PCDHGB1: variants seen among roughly 807,000 people sequenced by gnomAD.
The protein encoded by PCDHGB1 is protocadherin gamma-B1.
In PCDHGB1, 34 loss-of-function variants were observed where a neutral mutation model predicts 56.6. The ratio of observed to expected loss-of-function variants is 0.60; its 90% CI spans 0.46 to 0.80. PCDHGB1 has a LOEUF of 0.80. PCDHGB1 is among the 30% of genes least tolerant of loss of function. The pLI is 0.00. For synonymous variants in PCDHGB1, 561 were observed against 505.9 expected (o/e 1.11, Z -1.46); for missense variants, 1,278 against 1,204.6 (o/e 1.06, Z -0.90).
At position 141,414,031 on chromosome 5, in the gene PCDHGB1, C is replaced by G. The variant is rs900884760; in HGVS notation, c.2409+61362C>G. The G allele has an allele frequency of 1.2e-6, 2 of 1,611,740 alleles. No homozygotes were observed. The highest frequency in any genetic ancestry group is 2.7e-5 in the African/African-American group (2 of 74,762). On this transcript the variant is annotated intron_variant, in intron 1 of 3. Coordinates refer to ENST00000523390, the MANE Select transcript of PCDHGB1 (RefSeq NM_018922.3). ...CAATGGAGAAGTGACATATTCATTC[C>G]GAAAATTACCTGACACGCAATTGTT... is the stretch of plus-strand genomic sequence containing the variant.
At chr5:141,469,142 G>A (rs1473440049) in intron 1 of PCDHGB1, among the ~76,000 whole-genome samples, 3 of 152,024 alleles carry the variant, frequency 2.0e-5, no homozygotes, top group East Asian at 1.9e-4. Flanking sequence ...CAGAAATGGT[G>A]GCACATGTCT....
chr5:141,383,820 A>T, intron 1 of PCDHGB1: 1 of 1,613,924 alleles, frequency 6.2e-7, no homozygotes, highest in East Asian at 2.2e-5. Context: ...TAGAAGGATT[A>T]GATTATGAAG....
chr5:141,415,740 G>GTTTTTTTTTT lies in PCDHGB1; in HGVS notation c.2409+63094_2409+63103dup, dbSNP rs57426385. 90 of 625,044 alleles carry GTTTTTTTTTT rather than the reference G, an allele frequency of 1.4e-4. 1 individual carries two copies. The highest frequency in any genetic ancestry group is 4.1e-4 in the East Asian group (6 of 14,742). The allele number at this position is 625,044 out of a possible 1,614,324, so 38.7% of individuals were successfully genotyped here. On this transcript the variant is annotated intron_variant, in intron 1 of 3. Coordinates refer to ENST00000523390, the MANE Select transcript of PCDHGB1 (RefSeq NM_018922.3). ...TGAGTAGAATTTGATGTTTATTAAG[G>GTTTTTTTTTT]TTTTTTTTTTTTTTTTTTTTTTTTT...
At chr5:141,372,841 T>C (rs887025706) in intron 1 of PCDHGB1, 1 of 1,514,832 alleles carries the variant, frequency 6.6e-7, no homozygotes. Flanking sequence ...CTTCCATAAA[T>C]ATAATTGGGT....
chr5:141,368,767 T>G (rs1195016367), intron 1 of PCDHGB1, among the ~76,000 whole-genome samples: 1 of 152,172 alleles, frequency 6.6e-6, no homozygotes, highest in East Asian at 1.9e-4. Context: ...ATCTTTAGTT[T>G]TATATGTGTT....
In PCDHGB1 at chr5:141,355,387, G is replaced by C. The variant is rs772142842; in HGVS notation, c.2409+2718G>C. On this transcript the variant is annotated intron_variant, in intron 1 of 3. Transcript: ENST00000523390. The stretch of plus-strand genomic sequence containing the variant: ...GGCGCCCCGGGAGCTGGCGGAGCGC[G>C]GAGTCCGCATCGTCTCCAGAGGTAG... 1.1e-5 allele frequency: 18 copies of C among 1,613,946 alleles called. No homozygotes were observed. Among genetic ancestry groups the C allele is most frequent in the Admixed American group, 6.7e-5 (4 of 60,014 alleles).
intron 1 of PCDHGB1, chr5:141,399,617 T>G: frequency 6.2e-7 from 1 of 1,613,944 alleles, no homozygotes; most frequent in Non-Finnish European, 8.5e-7. Flanking sequence ...CCTCTGGCAC[T>G]GGCCTCTTAC....
rs202006594 is a variant in PCDHGB1, at chr5:141,477,618, C to A, written c.2410-17189C>A. 15 of 1,614,176 alleles carry A rather than the reference C, an allele frequency of 9.3e-6. No homozygotes were observed. The African/African-American group carries it at 1.3e-4, about 14-fold the overall frequency. ...TCTTTCTTTCTCTTGGAGCAAGGAGCTGAAACCGGGCTAGTGGGTCGCTAT... is the reference window on the plus strand; with the variant it reads ...TCTTTCTTTCTCTTGGAGCAAGGAGATGAAACCGGGCTAGTGGGTCGCTAT... On this transcript the variant is annotated intron_variant, in intron 1 of 3. Coordinates refer to ENST00000523390, the MANE Select transcript of PCDHGB1 (RefSeq NM_018922.3). The surrounding 1 kb of genome is among the most constrained non-coding windows in gnomAD (Gnocchi z 4.9).
chr5:141,380,982 T>A (rs1776910305), intron 1 of PCDHGB1, among the ~76,000 whole-genome samples: 3 of 152,248 alleles, frequency 2.0e-5, no homozygotes, highest in Non-Finnish European at 2.9e-5. Flanking sequence ...AAATAGAATT[T>A]AACTCCAGTT....
intron 1 of PCDHGB1, chr5:141,408,674 A>T (rs1005052894): frequency 3.1e-6 from 5 of 1,614,000 alleles, no homozygotes; most frequent in Non-Finnish European, 4.2e-6. Flanking sequence ...TGACCCTGCC[A>T]CGGATCCTGA....
intron 1 of PCDHGB1, chr5:141,356,561 A>T: frequency 6.2e-7 from 1 of 1,614,016 alleles, no homozygotes; most frequent in Admixed American, 1.7e-5. Flanking sequence ...ACTTTCCCTC[A>T]TGCTTCCTAC....
chr5:141,380,649 A>G (rs1354203302), intron 1 of PCDHGB1, among the ~76,000 whole-genome samples: 1 of 152,230 alleles, frequency 6.6e-6, no homozygotes, highest in East Asian at 1.9e-4. Flanking sequence ...GCTAGAGACA[A>G]TGAAGCCATT....
At chr5:141,461,951 G>C (rs1419637040) in intron 1 of PCDHGB1, among the ~76,000 whole-genome samples, 1 of 152,186 alleles carries the variant, frequency 6.6e-6, no homozygotes, top group African/African-American at 2.4e-5. Context: ...AACCTCCTGA[G>C]TAGCTGGGAT....
chr5:141,384,249 C>T (rs886257445), intron 1 of PCDHGB1: 20 of 1,613,790 alleles, frequency 1.2e-5, no homozygotes, highest in Admixed American at 1.7e-5. Flanking sequence ...ATAACCCACC[C>T]ACCTTCCCCC....
At chr5:141,441,187 AT>A (rs1349788972) in intron 1 of PCDHGB1, 1 of 152,214 alleles carries the variant, frequency 6.6e-6, no homozygotes, top group Non-Finnish European at 1.5e-5. Context: ...TTCCACAATG[AT>A]TCCCAAAGAT....
intron 1 of PCDHGB1, chr5:141,399,271 T>C: frequency 1.2e-6 from 2 of 1,613,926 alleles, no homozygotes; most frequent in Non-Finnish European, 1.7e-6. Flanking sequence ...TAATTGTCAA[T>C]TACAAGGCGA....
At chr5:141,355,510 A>G (rs773476205) in intron 1 of PCDHGB1, 1 of 1,614,082 alleles carries the variant, frequency 6.2e-7, no homozygotes, top group Non-Finnish European at 8.5e-7. Context: ...AAACTGTGTG[A>G]CAAACCTGGA....
chr5:141,485,858 C>A lies in PCDHGB1; in HGVS notation c.2410-8949C>A, dbSNP rs1431906047. 8.1e-6 allele frequency: 13 copies of A among 1,614,162 alleles called. No individual in the cohort carries two copies. The South Asian group carries it at 1.4e-4, about 18-fold the overall frequency. ...GCCGAGATCTGGCACCGCAGAGCTC[C>A]GGGTATCCGTGCTGGACGTAAACGA... On this transcript the variant is annotated intron_variant, in intron 1 of 3. Coordinates refer to ENST00000523390, the MANE Select transcript of PCDHGB1 (RefSeq NM_018922.3). This position sits in a 1 kb window ranked among gnomAD's most constrained non-coding sequence, Gnocchi z 5.7.
Position 141,431,991 on chromosome 5 carries a change from A to G in PCDHGB1, c.2410-62816A>G. 1.2e-6 allele frequency: 2 copies of G among 1,614,218 alleles called. No individual in the cohort carries two copies. The highest frequency in any genetic ancestry group is 1.7e-6 in the Non-Finnish European group (2 of 1,180,042). On this transcript the variant is annotated intron_variant, in intron 1 of 3. Transcript: ENST00000523390. The surrounding 1 kb of genome is among the most constrained non-coding windows in gnomAD (Gnocchi z 4.8). The stretch of plus-strand genomic sequence containing the variant: ...AGTTTAGTCACAGACATAGTCTTGG[A>G]TAGGGAACAGGTTCCTAGCTACAAC...
Sources: gnomAD v4.1 joint callset for allele counts (sites outside exome capture counted in the v4.1 genomes callset) on GRCh38, gnomAD v4.1.1 for gene constraint, Gnocchi (gnomAD v3.1) non-coding constraint, MANE v1.5 for transcripts, NCBI Gene and HGNC (gene_info 2026-07-23, HGNC 2026-07-21) for gene names.